WWOX: variants seen among roughly 807,000 people sequenced by gnomAD.
The protein encoded by WWOX is WW domain containing oxidoreductase.
A neutral mutation model predicts 46.2 loss-of-function variants in WWOX; 69 were observed. The ratio of observed to expected loss-of-function variants is 1.49; its 90% CI spans 1.23 to 1.82. The LOEUF (loss-of-function observed/expected upper bound fraction) is 1.82. Among genes scored for constraint, WWOX ranks in the 40% most tolerant of loss-of-function variants. The pLI, the probability that WWOX is intolerant of heterozygous loss-of-function variation, is 0.00. For missense variants in WWOX, 919 were observed against 542.6 expected (o/e 1.69, Z -6.89); for synonymous variants, 359 against 202.6 (o/e 1.77, Z -6.56).
At chr16:79,183,191 C>T (rs972532893) in intron 8 of WWOX, among the ~76,000 whole-genome samples, 1 of 152,218 alleles carries the variant, frequency 6.6e-6, no homozygotes, top group Non-Finnish European at 1.5e-5. Flanking sequence ...TGAGGCAGGG[C>T]TAGCCTTGCC....
chr16:78,711,587 C>T (rs1167960668), intron 8 of WWOX, among the ~76,000 whole-genome samples: 1 of 152,106 alleles, frequency 6.6e-6, no homozygotes, highest in Non-Finnish European at 1.5e-5. Context: ...GAATGATAAA[C>T]CTTAACGCTT....
intron 5 of WWOX, among the ~76,000 whole-genome samples, chr16:78,300,560 C>G (rs995950746): frequency 3.3e-5 from 5 of 151,930 alleles, no homozygotes; most frequent in African/African-American, 1.2e-4. Context: ...CTCTCCCTCC[C>G]TTCCCTCTCT....
chr16:79,007,667 A>G (rs888755444), intron 8 of WWOX, among the ~76,000 whole-genome samples: 1 of 152,228 alleles, frequency 6.6e-6, no homozygotes, highest in South Asian at 2.1e-4. Flanking sequence ...TAAGGAAAGC[A>G]CTGTTATCAG....
At chr16:78,225,066 C>A (rs2037006992) in intron 5 of WWOX, among the ~76,000 whole-genome samples, 1 of 152,146 alleles carries the variant, frequency 6.6e-6, no homozygotes, top group Admixed American at 6.5e-5. Context: ...GAGATACATT[C>A]TGAAAAATGT....
rs774462234 is a variant in WWOX at position 78,432,695 on chromosome 16, C to T, written c.999C>T (p.Arg333=). The T allele has an allele frequency of 1.3e-5, 21 of 1,614,210 alleles. No individual in the cohort carries two copies. The highest frequency in any genetic ancestry group is 8.9e-5 in the East Asian group (4 of 44,876). ...ATATGATGTACTCCAACATTCATCG[C>T]AGCTGGTGGGTGTACACACTGCTGT... The part of the protein sequence containing the change: ...PGNMMYSNIH[R]SWWVYTLLFT... The change falls in exon 8 of 9, where the codon CGC becomes CGT. Residue 333 remains arginine, a synonymous_variant. Transcript: ENST00000566780.
intron 8 of WWOX, chr16:78,534,530 T>C (rs997215031): frequency 6.6e-6 from 1 of 152,066 alleles, no homozygotes; most frequent in African/African-American, 2.4e-5. Context: ...CATTTTGGCA[T>C]GACTGGACTC....
intron 5 of WWOX, among the ~76,000 whole-genome samples, chr16:78,327,083 C>T (rs2080640989): frequency 6.6e-6 from 1 of 152,142 alleles, no homozygotes; most frequent in Non-Finnish European, 1.5e-5. Flanking sequence ...ATCCATGCAC[C>T]TCAAATCCTG....
At chr16:78,920,144 C>T (rs935348543) in intron 8 of WWOX, among the ~76,000 whole-genome samples, 2 of 152,144 alleles carry the variant, frequency 1.3e-5, no homozygotes, top group Non-Finnish European at 2.9e-5. Flanking sequence ...GCTCTGCTTG[C>T]TCTTGGTCTT....
At chr16:78,564,408 A>G (rs1423972156) in intron 8 of WWOX, among the ~76,000 whole-genome samples, 1 of 152,198 alleles carries the variant, frequency 6.6e-6, no homozygotes, top group African/African-American at 2.4e-5. Flanking sequence ...TGTCTCAGGA[A>G]GCATGAACAT....
chr16:78,120,278 A>G (rs947678428), intron 4 of WWOX, among the ~76,000 whole-genome samples: 3 of 152,188 alleles, frequency 2.0e-5, no homozygotes, highest in Non-Finnish European at 2.9e-5. Context: ...AAATGAAGGT[A>G]TAAATATTTC....
At chr16:78,964,093 T>C (rs748682709) in intron 8 of WWOX, among the ~76,000 whole-genome samples, 4 of 152,204 alleles carry the variant, frequency 2.6e-5, no homozygotes, top group Non-Finnish European at 5.9e-5. Context: ...GGTTATGTCT[T>C]TATCAGCAGT....
chr16:78,441,228 T>G (rs11859740), intron 8 of WWOX, among the ~76,000 whole-genome samples: 12,475 of 152,210 alleles, frequency 0.082, 914 homozygotes, highest in African/African-American at 0.19. Context: ...AGCCTGTAGT[T>G]TCTTATTTAA....
intron 8 of WWOX, among the ~76,000 whole-genome samples, chr16:78,815,783 C>G (rs2051313414): frequency 6.6e-6 from 1 of 152,238 alleles, no homozygotes; most frequent in African/African-American, 2.4e-5. Context: ...GCAGACCTCT[C>G]TGCCAGTGTT....
At chr16:79,000,200 C>T (rs1165847745) in intron 8 of WWOX, among the ~76,000 whole-genome samples, 3 of 152,158 alleles carry the variant, frequency 2.0e-5, no homozygotes, top group Admixed American at 6.6e-5. Flanking sequence ...GTTCACACGG[C>T]ACGTCATTGG....
intron 8 of WWOX, among the ~76,000 whole-genome samples, chr16:78,571,707 A>C (rs2044719758): frequency 2.0e-5 from 3 of 152,222 alleles, no homozygotes; most frequent in African/African-American, 4.8e-5. Flanking sequence ...CTTCTCTACT[A>C]AAAATAGAAA....
rs965314553 is a variant in WWOX at position 79,153,959 on chromosome 16, C to A, written c.1057-57649C>A. Among the ~76,000 whole-genome samples the A allele has an allele frequency of 1.1e-4, 16 of 152,104 alleles. No individual in the cohort carries two copies. The East Asian group carries it at 3.1e-3, about 29-fold the overall frequency. ...CTGTCCACAATTTCTTGTCCTGCCT[C>A]CCGTGATGCTAGCCATGGATGCACC... is the stretch of plus-strand genomic sequence containing the variant. On this transcript the variant is annotated intron_variant, in intron 8 of 8. Coordinates refer to ENST00000566780, the MANE Select transcript of WWOX (RefSeq NM_016373.4).
At chr16:79,057,964 C>T (rs2048293243) in intron 8 of WWOX, among the ~76,000 whole-genome samples, 2 of 152,154 alleles carry the variant, frequency 1.3e-5, no homozygotes, top group South Asian at 2.1e-4. Context: ...TCGCTGTTTG[C>T]TTCTTCTCGG....
intron 8 of WWOX, among the ~76,000 whole-genome samples, chr16:78,731,017 T>A (rs1275249239): frequency 6.6e-6 from 1 of 152,176 alleles, no homozygotes; most frequent in Non-Finnish European, 1.5e-5. Context: ...TTGATATTGA[T>A]GTTACCGTAC....
chr16:79,055,232 A>G (rs2048239691), intron 8 of WWOX, among the ~76,000 whole-genome samples: 1 of 152,144 alleles, frequency 6.6e-6, no homozygotes, highest in Non-Finnish European at 1.5e-5. Flanking sequence ...ATTTTGGTTT[A>G]TATTGCTTAA....
Sources: allele counts gnomAD v4.1 joint callset (sites outside exome capture counted in the v4.1 genomes callset), GRCh38; gene constraint gnomAD v4.1.1; transcripts MANE v1.5; gene names NCBI Gene and HGNC (gene_info 2026-07-23, HGNC 2026-07-21).